Variants in ATXN2 observed in about 807,000 individuals in gnomAD.
ATXN2 encodes the protein ataxin-2.
In ATXN2, 37 loss-of-function variants were observed where a neutral mutation model predicts 138.6. The observed-to-expected ratio is 0.27, with a 90% confidence interval of 0.21 to 0.35. ATXN2 has a LOEUF of 0.35. Among genes scored for constraint, ATXN2 ranks in the 10% least tolerant of loss-of-function variants. ATXN2 has a pLI of 1.00. For synonymous variants in ATXN2, 549 were observed against 543.7 expected (o/e 1.01, Z -0.13); for missense variants, 1,216 against 1,480.3 (o/e 0.82, Z 2.93).
intron 18 of ATXN2, among the ~76,000 whole-genome samples, chr12:111,483,745 A>G (rs1877438914): frequency 6.6e-6 from 1 of 152,122 alleles, no homozygotes; most frequent in Non-Finnish European, 1.5e-5. Flanking sequence ...ATGCAACTAC[A>G]TTATACGACA....
chr12:111,573,558 T>G (rs1883458506), intron 1 of ATXN2, among the ~76,000 whole-genome samples: 1 of 152,206 alleles, frequency 6.6e-6, no homozygotes, highest in South Asian at 2.1e-4. Context: ...GAACAGTTAT[T>G]AAAAAGCAAA....
rs1433181404 is a variant in ATXN2, at chr12:111,453,169, C to T, written c.3440-329G>A. Reference sequence around the variant, plus strand: ...AATAACAGGTCAGACTGTGAAGTATCGCCATGGCAGCCATCAAGTAGTAGA... The same window carrying T: ...AATAACAGGTCAGACTGTGAAGTATTGCCATGGCAGCCATCAAGTAGTAGA... On this transcript the variant is annotated intron_variant, in intron 24 of 24. Coordinates refer to ENST00000673436, the MANE Select transcript of ATXN2 (RefSeq NM_001372574.1). This position sits in a 1 kb window ranked among gnomAD's most constrained non-coding sequence, Gnocchi z 5.4. 4 of 1,145,572 alleles carry T rather than the reference C, an allele frequency of 3.5e-6. No homozygotes were observed. Among genetic ancestry groups the T allele is most frequent in the African/African-American group, 1.6e-5 (1 of 62,420 alleles). The allele number at this position is 1,145,572 out of a possible 1,614,324, so 71.0% of individuals were successfully genotyped here. A position where few individuals can be genotyped will look rare whatever the true frequency, so the allele number is the denominator to read the frequency against.
rs571307720 is a variant in ATXN2, at chr12:111,588,491, G to T, written c.251+10293C>A. Among the ~76,000 whole-genome samples the T allele has an allele frequency of 9.7e-4, 147 of 152,014 alleles. 1 individual carries two copies. The highest frequency in any genetic ancestry group is 3.4e-3 in the African/African-American group (142 of 41,482). Reference sequence around the variant, plus strand: ...ACAAAAATTAGCCAGGCGAGATGGTGCGTGCCTGCAGTCCCAGCTACTCAG... The same window carrying T: ...ACAAAAATTAGCCAGGCGAGATGGTTCGTGCCTGCAGTCCCAGCTACTCAG... On this transcript the variant is annotated intron_variant, in intron 1 of 24. Transcript: ENST00000673436.
chr12:111,562,720 C>CAAAAAAAAAAAAA (rs34625134), intron 1 of ATXN2, among the ~76,000 whole-genome samples: 1 of 55,992 alleles, frequency 1.8e-5, no homozygotes, highest in South Asian at 7.1e-4. Flanking sequence ...AACTCCATCT[C>CAAAAAAAAAAAAA]AAAAAAAAAA....
At chr12:111,479,117 A>G (rs1877030231) in intron 18 of ATXN2, 4 of 393,432 alleles carry the variant, frequency 1.0e-5, no homozygotes, top group Admixed American at 4.4e-5. Flanking sequence ...AAGAAATAAA[A>G]ACACAAACAC....
At chr12:111,470,974 A>T in intron 18 of ATXN2, 1 of 515,664 alleles carries the variant, frequency 1.9e-6, no homozygotes, top group Non-Finnish European at 3.5e-6. Context: ...TTCATCCTTC[A>T]GGTGTCAGCT....
At chr12:111,538,484 G>GAAGGAGACATAAAA (rs1555237953) in intron 5 of ATXN2, among the ~76,000 whole-genome samples, 1 of 150,374 alleles carries the variant, frequency 6.7e-6, no homozygotes. Flanking sequence ...CCGAATAGCT[G>GAAGGAGACATAAAA]GGACTACAGG....
Position 111,453,095 on chromosome 12 carries a change from TAACA to T in ATXN2, c.3440-259_3440-256del. The T allele has an allele frequency of 7.9e-7, 1 of 1,265,156 alleles. No individual in the cohort carries two copies. The highest frequency in any genetic ancestry group is 4.0e-5 in the Admixed American group (1 of 25,228). The allele number at this position is 1,265,156 out of a possible 1,614,324, so 78.4% of individuals were successfully genotyped here. A position where few individuals can be genotyped will look rare whatever the true frequency, so the allele number is the denominator to read the frequency against. ...GTTCATGGGGTAGAAAAAAAGGCCTTAACAAACCCCCTCCCCAAATATTAGCCAA... is the reference window on the plus strand; with the variant it reads ...GTTCATGGGGTAGAAAAAAAGGCCTTAACCCCCTCCCCAAATATTAGCCAA... On this transcript the variant is annotated intron_variant, in intron 24 of 24. Coordinates refer to ENST00000673436, the MANE Select transcript of ATXN2 (RefSeq NM_001372574.1). This position sits in a 1 kb window ranked among gnomAD's most constrained non-coding sequence, Gnocchi z 5.4.
chr12:111,591,456 G>A (rs60473879), intron 1 of ATXN2, among the ~76,000 whole-genome samples: 15,594 of 151,942 alleles, frequency 0.1, 2,667 homozygotes, highest in African/African-American at 0.35. Context: ...GATCACTTGA[G>A]CCCAGGAGTT....
chr12:111,531,444 A>T (rs1422338653), intron 5 of ATXN2, among the ~76,000 whole-genome samples: 1 of 152,188 alleles, frequency 6.6e-6, no homozygotes, highest in African/African-American at 2.4e-5. Flanking sequence ...ATAAATAAAT[A>T]AAAAATATGT....
At chr12:111,537,866 C>A (rs1881279781) in intron 5 of ATXN2, among the ~76,000 whole-genome samples, 1 of 151,824 alleles carries the variant, frequency 6.6e-6, no homozygotes. Context: ...GAGGCTGGGG[C>A]AGGAGGATCA....
chr12:111,452,815 C>T lies in ATXN2; in HGVS notation c.3465G>A (p.Leu1155=). 1.2e-6 allele frequency: 2 copies of T among 1,614,000 alleles called. No homozygotes were observed. The highest frequency in any genetic ancestry group is 2.2e-5 in the East Asian group (1 of 44,878). Residue 1155 remains leucine (L), a synonymous_variant, in exon 25 of 25, where the codon TTG becomes TTA. Transcript: ENST00000673436. ...PSVQAHHQQQ[L] ...TTTCGGTTCCTCCAGGGCAGCCTTACAACTGCTGTTGGTGGTGGGCTTGTA... is the reference window on the plus strand; with the variant it reads ...TTTCGGTTCCTCCAGGGCAGCCTTATAACTGCTGTTGGTGGTGGGCTTGTA...
intron 5 of ATXN2, among the ~76,000 whole-genome samples, chr12:111,532,987 C>T (rs138351104): frequency 2.5e-4 from 38 of 152,144 alleles, no homozygotes; most frequent in African/African-American, 8.7e-4. Context: ...TAGGAGTAGA[C>T]AGAGTTTAAG....
intron 16 of ATXN2, among the ~76,000 whole-genome samples, chr12:111,486,249 A>G (rs779667225): frequency 6.6e-6 from 1 of 152,244 alleles, no homozygotes; most frequent in Non-Finnish European, 1.5e-5. Context: ...TGGAATGCTC[A>G]AGTCCCTTAC....
chr12:111,509,450 T>C, intron 14 of ATXN2, 99 bp downstream of exon 14: 1 of 704,612 alleles, frequency 1.4e-6, no homozygotes, highest in South Asian at 1.7e-5. Context: ...TATGGTTTGA[T>C]GTTTCTGACT....
At chr12:111,524,443 G>A (rs1880366786) in intron 6 of ATXN2, among the ~76,000 whole-genome samples, 1 of 152,158 alleles carries the variant, frequency 6.6e-6, no homozygotes, top group Non-Finnish European at 1.5e-5. Flanking sequence ...TAAAGACAGA[G>A]TCTTTATTAA....
intron 18 of ATXN2, among the ~76,000 whole-genome samples, chr12:111,474,223 AAAAC>A (rs949252279): frequency 1.1e-4 from 16 of 152,234 alleles, no homozygotes; most frequent in Admixed American, 2.6e-4. Context: ...ACTGTCTCAA[AAAAC>A]AAACAAACAA....
Position 111,564,389 on chromosome 12 carries a change from A to G in ATXN2, c.252-8470T>C, listed in dbSNP as rs147591308. ...TCTTTAAATCAGGGGTCAGGACACT[A>G]CAGCCCACAACCTGTTTTGGTCTGG... On this transcript the variant is annotated intron_variant, in intron 1 of 24. Coordinates refer to ENST00000673436, the MANE Select transcript of ATXN2 (RefSeq NM_001372574.1). Among the ~76,000 whole-genome samples the G allele has an allele frequency of 6.9e-3, 1,044 of 152,268 alleles. 4 individuals carry two copies. The highest frequency in any genetic ancestry group is 0.011 in the Non-Finnish European group (717 of 68,020).
chr12:111,589,865 G>A (rs940777765), intron 1 of ATXN2, among the ~76,000 whole-genome samples: 1 of 151,890 alleles, frequency 6.6e-6, no homozygotes, highest in Non-Finnish European at 1.5e-5. Context: ...GTTGCAATGA[G>A]CCATGATGGC....
Sources: allele counts gnomAD v4.1 joint callset (sites outside exome capture counted in the v4.1 genomes callset), GRCh38; gene constraint gnomAD v4.1.1; non-coding constraint Gnocchi (gnomAD v3.1); transcripts MANE v1.5; gene names NCBI Gene and HGNC (gene_info 2026-07-23, HGNC 2026-07-21).